The following NOL4 variants were observed in gnomAD, a reference collection of about 807,000 sequenced individuals.
The protein encoded by NOL4 is cancer/testis antigen 125.
A neutral mutation model predicts 75.9 loss-of-function variants in NOL4; 17 were observed. The ratio of observed to expected loss-of-function variants is 0.22; its 90% CI spans 0.15 to 0.34. The LOEUF (loss-of-function observed/expected upper bound fraction) is 0.34, where lower values mean the gene tolerates loss of function less well. NOL4 is among the 10% of genes least tolerant of loss of function. NOL4 has a pLI of 1.00. For missense variants in NOL4, 614 were observed against 793.5 expected (o/e 0.77, Z 2.72); for synonymous variants, 292 against 289.9 (o/e 1.01, Z -0.07).
chr18:33,965,231 T>C (rs1379457688), intron 6 of NOL4, among the ~76,000 whole-genome samples: 3 of 152,118 alleles, frequency 2.0e-5, no homozygotes, highest in African/African-American at 7.2e-5. Context: ...TCCCAGAACA[T>C]TGGGAAGTCA....
At chr18:34,222,344 G>A in intron 1 of NOL4, 2 of 1,259,370 alleles carry the variant, frequency 1.6e-6, no homozygotes, top group South Asian at 4.4e-5. Flanking sequence ...GGAAGGGAAT[G>A]GGGGGGCGGG....
intron 9 of NOL4, among the ~76,000 whole-genome samples, chr18:33,891,607 C>T (rs1461679129): frequency 6.6e-6 from 1 of 152,042 alleles, no homozygotes; most frequent in African/African-American, 2.4e-5. Flanking sequence ...GGTGGCTCTT[C>T]TGAAAAATAC....
chr18:33,925,402 A>T (rs1291303924), intron 9 of NOL4, among the ~76,000 whole-genome samples: 1 of 152,194 alleles, frequency 6.6e-6, no homozygotes, highest in Non-Finnish European at 1.5e-5. Flanking sequence ...CAAATGCAGG[A>T]TTCTGTAAAA....
chr18:34,222,159 C>T (rs1457673402), intron 1 of NOL4: 2 of 1,511,784 alleles, frequency 1.3e-6, no homozygotes, highest in East Asian at 2.5e-5. Context: ...GGCTGAGATG[C>T]ATTGGGCTCT....
At chr18:34,011,151 T>C (rs1337804814) in intron 6 of NOL4, among the ~76,000 whole-genome samples, 2 of 151,904 alleles carry the variant, frequency 1.3e-5, no homozygotes, top group African/African-American at 4.8e-5. Context: ...CCAATTACAC[T>C]GATGTGATTA....
chr18:34,148,467 A>G (rs567934085), intron 1 of NOL4, among the ~76,000 whole-genome samples: 71 of 151,942 alleles, frequency 4.7e-4, no homozygotes, highest in Non-Finnish European at 1.0e-3. Flanking sequence ...TAATTTCGTT[A>G]TTTACCCAGT....
intron 6 of NOL4, among the ~76,000 whole-genome samples, chr18:34,008,029 C>T (rs545123399): frequency 5.9e-5 from 9 of 152,010 alleles, no homozygotes; most frequent in African/African-American, 2.2e-4. Context: ...GTAAACTGGT[C>T]AAAGAAGAAT....
intron 1 of NOL4, among the ~76,000 whole-genome samples, chr18:34,157,613 G>T (rs751009689): frequency 6.6e-6 from 1 of 150,508 alleles, no homozygotes; most frequent in Non-Finnish European, 1.5e-5. Context: ...AGGAAAATAT[G>T]CAGAATGAAA....
chr18:33,942,725 G>A lies in NOL4; in HGVS notation c.1542+340C>T, dbSNP rs1019852849. Among the ~76,000 whole-genome samples, 8 of 151,898 alleles carry A rather than the reference G, an allele frequency of 5.3e-5. No individual in the cohort carries two copies. In the East Asian group the frequency reaches 1.6e-3, roughly 30 times the overall value. On this transcript the variant is annotated intron_variant, in intron 9 of 10. Coordinates refer to ENST00000261592, the MANE Select transcript of NOL4 (RefSeq NM_003787.5). Reference sequence around the variant, plus strand: ...TTTCATTCGAAATGAACATGATCAGGTCACTCTCATAAGTCATGAGGTAAA... The same window carrying A: ...TTTCATTCGAAATGAACATGATCAGATCACTCTCATAAGTCATGAGGTAAA...
chr18:33,886,326 G>A (rs974619397), intron 9 of NOL4, among the ~76,000 whole-genome samples: 3 of 151,790 alleles, frequency 2.0e-5, no homozygotes, highest in African/African-American at 2.4e-5. Context: ...TCAGGAGTTC[G>A]AGACCATCCT....
intron 9 of NOL4, among the ~76,000 whole-genome samples, chr18:33,900,286 T>G (rs373023056): frequency 2.6e-5 from 4 of 152,126 alleles, no homozygotes; most frequent in African/African-American, 9.6e-5. Context: ...TGAGAATCAC[T>G]CATTACTGTG....
At chr18:33,982,685 A>C (rs2072063419) in intron 6 of NOL4, among the ~76,000 whole-genome samples, 1 of 151,978 alleles carries the variant, frequency 6.6e-6, no homozygotes, top group Non-Finnish European at 1.5e-5. Context: ...AATTTAACCC[A>C]AGATATCCTT....
rs192812686 is a variant in NOL4, at chr18:33,953,818, G to A, written c.1428+3508C>T. The stretch of plus-strand genomic sequence containing the variant: ...TATTGTACTTTGAGAATAGGACACT[G>A]TACACAAGGACAGACATTTGTAATT... On this transcript the variant is annotated intron_variant, in intron 8 of 10. Coordinates refer to ENST00000261592, the MANE Select transcript of NOL4 (RefSeq NM_003787.5). 1.4e-4 allele frequency among the ~76,000 whole-genome samples: 21 copies of A among 152,256 alleles called. 1 individual carries two copies. The East Asian group carries it at 4.1e-3, about 29-fold the overall frequency.
At chr18:34,206,880 T>C (rs2036156638) in intron 1 of NOL4, among the ~76,000 whole-genome samples, 1 of 152,108 alleles carries the variant, frequency 6.6e-6, no homozygotes, top group South Asian at 2.1e-4. Context: ...GCACTACAGA[T>C]TCCTGAGTCT....
chr18:34,140,830 T>C (rs2081119121), intron 1 of NOL4, among the ~76,000 whole-genome samples: 1 of 152,102 alleles, frequency 6.6e-6, no homozygotes, highest in Non-Finnish European at 1.5e-5. Context: ...GTTGTTCCTT[T>C]CCATGTTTAG....
chr18:34,029,186 T>C (rs1278547157), intron 5 of NOL4, among the ~76,000 whole-genome samples: 2 of 152,132 alleles, frequency 1.3e-5, no homozygotes, highest in African/African-American at 2.4e-5. Context: ...TATATCCTGG[T>C]TTAGACAATA....
intron 1 of NOL4, among the ~76,000 whole-genome samples, chr18:34,141,449 G>A (rs1459144188): frequency 2.0e-5 from 3 of 152,172 alleles, no homozygotes; most frequent in East Asian, 1.9e-4. Flanking sequence ...TAAGGCTACA[G>A]TAACCAAAAC....
intron 6 of NOL4, among the ~76,000 whole-genome samples, chr18:34,008,085 C>T (rs1219694800): frequency 6.6e-6 from 1 of 151,914 alleles, no homozygotes; most frequent in Non-Finnish European, 1.5e-5. Context: ...CTGTTGAGGG[C>T]CCAAATAAAA....
intron 9 of NOL4, among the ~76,000 whole-genome samples, chr18:33,887,823 T>C (rs2144765763): frequency 6.6e-6 from 1 of 152,330 alleles, no homozygotes; most frequent in Middle Eastern, 3.4e-3. Context: ...CTATCATTGA[T>C]GGACATTTGG....
Sources: gnomAD v4.1 joint callset for allele counts (sites outside exome capture counted in the v4.1 genomes callset) on GRCh38, gnomAD v4.1.1 for gene constraint, MANE v1.5 for transcripts, NCBI Gene and HGNC (gene_info 2026-07-23, HGNC 2026-07-21) for gene names.